Variants in KRT40 observed in about 807,000 individuals in gnomAD.
The protein encoded by KRT40 is keratin 40.
KRT40 carries 47 observed loss-of-function variants against 43.5 expected under a neutral mutation model. The observed-to-expected ratio is 1.08, with a 90% CI of 0.86 to 1.38. The LOEUF is 1.38. Among genes scored for constraint, KRT40 ranks in the 40% most tolerant of loss-of-function variants. The pLI is 0.00. For missense variants in KRT40, 573 were observed against 523.6 expected (o/e 1.09, Z -0.92); for synonymous variants, 212 against 214.0 (o/e 0.99, Z 0.08).
In KRT40 at chr17:40,978,772, T is replaced by C. The variant is rs373308463; in HGVS notation, c.1196+32A>G. ...TTTTACATCAGCCTCTTTGTGACTC[T>C]GGGGGATTTCATGAGTAACTGTGGA... On this transcript the variant is annotated intron_variant, in intron 6 of 6. Transcript: ENST00000377755. 1.5e-5 allele frequency: 23 copies of C among 1,575,490 alleles called. No individual in the cohort carries two copies. In the African/African-American group the frequency reaches 2.2e-4, roughly 15 times the overall value.
Position 40,978,256 on chromosome 17 carries a change from T to C in KRT40, c.1237A>G (p.Asn413Asp). The part of the protein sequence containing the change: ...SPCSTTCTSS[N>D]TCEPCSAYVI... Reference sequence around the variant, plus strand: ...TAGGCTGAGCATGGCTCACAAGTGTTGCTCGAGGTGCATGTGGTCGAACAT... The same window carrying C: ...TAGGCTGAGCATGGCTCACAAGTGTCGCTCGAGGTGCATGTGGTCGAACAT... The change falls in exon 7 of 7, where the codon AAC becomes GAC. Residue 413 changes from asparagine to aspartate, a missense_variant. Asn to Asp is a conservative substitution (Grantham distance 23). Transcript: ENST00000377755. 1 of 1,614,114 alleles carries C rather than the reference T, an allele frequency of 6.2e-7. No homozygotes were observed. The highest frequency in any genetic ancestry group is 8.5e-7 in the Non-Finnish European group (1 of 1,179,990).
chr17:40,984,363 A>G, upstream of KRT40: 2 of 968,810 alleles, frequency 2.1e-6, no homozygotes, highest in Non-Finnish European at 3.0e-6. Flanking sequence ...ATAACCCCCC[A>G]AAATGGGTGT....
At position 40,984,315 on chromosome 17, in the gene KRT40, T is replaced by C. The variant is rs867557745; in HGVS notation, c.-42A>G. 1 of 1,476,256 alleles carries C rather than the reference T, an allele frequency of 6.8e-7. No homozygotes were observed. The highest frequency in any genetic ancestry group is 1.9e-4 in the Middle Eastern group (1 of 5,226). 91.4% of individuals were successfully genotyped at this position (1,476,256 alleles called of 1,614,324 possible). Reference sequence around the variant, plus strand: ...ACAGAGACTGGCTGCAAAACTTCAGTTGCCTTGACTCCAAAACTCTCCTCT... The same window carrying C: ...ACAGAGACTGGCTGCAAAACTTCAGCTGCCTTGACTCCAAAACTCTCCTCT... On this transcript the variant is annotated 5_prime_UTR_variant, in exon 1 of 7. Coordinates refer to ENST00000377755, the MANE Select transcript of KRT40 (RefSeq NM_001389244.1).
At chr17:40,982,553 G>A in intron 2 of KRT40, 90 bp from the exon 3 acceptor site, 1 of 1,062,548 alleles carries the variant, frequency 9.4e-7, no homozygotes, top group Non-Finnish European at 1.3e-6. Context: ...ACGGACTTCA[G>A]GAAGCCATGT....
rs766406925 is a variant in KRT40, at chr17:40,978,851, C to T, written c.1149G>A (p.Glu383=). Residue 383 remains glutamate (E), a synonymous_variant, in exon 6 of 7, where the codon GAG becomes GAA. Coordinates refer to ENST00000377755, the MANE Select transcript of KRT40 (RefSeq NM_001389244.1). ...GGCCCCAGTACGTGTTGATCTCACC[C>T]TCCAGCCGGGCCTTCACGTCCAGGA... ...QVLLDVKARL[E]GEINTYWGLL... 6.2e-7 allele frequency: 1 copy of T among 1,612,138 alleles called. No homozygotes were observed. The highest frequency in any genetic ancestry group is 2.2e-5 in the East Asian group (1 of 44,796).
At chr17:40,979,230 T>C (rs1911986683) in intron 5 of KRT40, among the ~76,000 whole-genome samples, 1 of 152,178 alleles carries the variant, frequency 6.6e-6, no homozygotes, top group African/African-American at 2.4e-5. Context: ...AGAGTTAATA[T>C]GCGGGCTGGG....
Position 40,978,083 on chromosome 17 carries a change from A to G in KRT40, c.*114T>C, listed in dbSNP as rs1911881879. On this transcript the variant is annotated 3_prime_UTR_variant, in exon 7 of 7. Transcript: ENST00000377755. ...CTGAGGATACCTGGAGGGCAATTCCAGGATATGAGAGCCTCCTGGATTTGT... is the reference window on the plus strand; with the variant it reads ...CTGAGGATACCTGGAGGGCAATTCCGGGATATGAGAGCCTCCTGGATTTGT... 2.7e-6 allele frequency: 2 copies of G among 734,718 alleles called. No individual in the cohort carries two copies. Among genetic ancestry groups the G allele is most frequent in the East Asian group, 2.5e-5 (1 of 40,070 alleles). 45.5% of individuals were successfully genotyped at this position (734,718 alleles called of 1,614,324 possible).
chr17:40,981,618 C>G (rs1912157387), intron 3 of KRT40, among the ~76,000 whole-genome samples: 1 of 152,148 alleles, frequency 6.6e-6, no homozygotes, highest in Non-Finnish European at 1.5e-5. Flanking sequence ...AGTGCACAGT[C>G]TTTATCCCTT....
rs770953766 is a variant in KRT40, at chr17:40,979,036, A to G, written c.976-12T>C. 5.6e-6 allele frequency: 9 copies of G among 1,607,168 alleles called. No homozygotes were observed. Among genetic ancestry groups the G allele is most frequent in the Non-Finnish European group, 7.7e-6 (9 of 1,174,484 alleles). ...TCCAGAGATTCTGTCTGCGGGAGGA[A>G]ACATTGTCCAAAGGACCATGAAGTG... On this transcript the variant is annotated splice_polypyrimidine_tract_variant and intron_variant, in intron 5 of 6. Coordinates refer to ENST00000377755, the MANE Select transcript of KRT40 (RefSeq NM_001389244.1).
At chr17:40,980,237 A>G (rs1373539388) in intron 5 of KRT40, among the ~76,000 whole-genome samples, 2 of 152,212 alleles carry the variant, frequency 1.3e-5, no homozygotes, top group Non-Finnish European at 2.9e-5. Flanking sequence ...TGCCTCTCAC[A>G]GGATGAATGC....
rs1248876988 is a variant in KRT40, at chr17:40,984,023, A to T, written c.251T>A (p.Val84Glu). Residue 84 changes from valine to glutamate, a missense_variant, in exon 1 of 7, where the codon GTG (valine) becomes GAG (glutamate). Transcript: ENST00000377755. ...CGTCTCCTTCTCATTGCTAGTGAAC[A>T]CCCCATCCTCACACCAGGCACAGTT... ...VGNCAWCEDG[V>E]FTSNEKETMQ... The T allele has an allele frequency of 6.2e-7, 1 of 1,613,938 alleles. No individual in the cohort carries two copies. Among genetic ancestry groups the T allele is most frequent in the Admixed American group, 1.7e-5 (1 of 59,976 alleles).
In KRT40 at chr17:40,982,412, G is replaced by C. The variant is rs1184809761; in HGVS notation, c.582C>G (p.Ser194Arg). The change falls in exon 3 of 7, where the codon AGC becomes AGG. Residue 194 changes from serine to arginine, a missense_variant. Physicochemically the swap from Ser to Arg is moderately radical, Grantham distance 110. Transcript: ENST00000377755. ...LRQLLEADIS[S>R]LHGILEELTL... Reference sequence around the variant, plus strand: ...TCAGTTCCTCCAGGATCCCATGCAGGCTGCTGATGTCAGCCTCTAACAGCT... The same window carrying C: ...TCAGTTCCTCCAGGATCCCATGCAGCCTGCTGATGTCAGCCTCTAACAGCT... The C allele has an allele frequency of 1.2e-6, 2 of 1,609,650 alleles. No individual in the cohort carries two copies. The highest frequency in any genetic ancestry group is 2.2e-5 in the South Asian group (2 of 90,348).
At chr17:40,979,757 G>A (rs1912030727) in intron 5 of KRT40, among the ~76,000 whole-genome samples, 1 of 152,170 alleles carries the variant, frequency 6.6e-6, no homozygotes, top group African/African-American at 2.4e-5. Flanking sequence ...TGTGTGGTAA[G>A]GGGATGAAGA....
In KRT40 at chr17:40,983,955, C is replaced by T. The variant is rs367957193; in HGVS notation, c.319G>A (p.Val107Met). The T allele has an allele frequency of 8.1e-6, 13 of 1,614,102 alleles. No individual in the cohort carries two copies. The African/African-American group carries it at 1.6e-4, about 20-fold the overall frequency. The stretch of plus-strand genomic sequence containing the variant: ...GCGTTGGTCTCCTCCAGGCTGCGCA[C>T]CTTCTCCAGATAGCTGGCGAGTCTG... ...NDRLASYLEK[V>M]RSLEETNAEL... Residue 107 changes from valine (V) to methionine (M), a missense_variant, in exon 1 of 7, where the codon GTG becomes ATG. Physicochemically the swap from Val to Met is conservative, Grantham distance 21. Coordinates refer to ENST00000377755, the MANE Select transcript of KRT40 (RefSeq NM_001389244.1).
At chr17:40,985,890 T>C (rs9912006), upstream of KRT40, among the ~76,000 whole-genome samples, 2,714 of 152,354 alleles carry the variant, frequency 0.018, 76 homozygotes, top group African/African-American at 0.061. Flanking sequence ...ATGTTTTGGT[T>C]GTCCATCACA....
chr17:40,982,374 G>A lies in KRT40; in HGVS notation c.620C>T (p.Ser207Phe). ...AGACTCCACATGGGCCTCCAGATCA[G>A]ATTTGCACAGGGTCAGTTCCTCCAG... ...GILEELTLCKSDLEAHVESLK... is the reference protein window; with the variant it reads ...GILEELTLCKFDLEAHVESLK... The change falls in exon 3 of 7, where the codon TCT (serine) becomes TTT (phenylalanine). Residue 207 changes from serine to phenylalanine, a missense_variant. Transcript: ENST00000377755. 6.2e-7 allele frequency: 1 copy of A among 1,611,588 alleles called. No individual in the cohort carries two copies. The highest frequency in any genetic ancestry group is 1.1e-5 in the South Asian group (1 of 90,636).
rs758148733 is a variant in KRT40 at position 40,980,831 on chromosome 17, C to A, written c.929G>T (p.Arg310Leu). Residue 310 changes from arginine (R) to leucine (L), a missense_variant, in exon 5 of 7, where the codon CGC becomes CTC. Physicochemically the swap from Arg to Leu is moderately radical, Grantham distance 102. Transcript: ENST00000377755. The stretch of plus-strand genomic sequence containing the variant: ...CTCAATTTCCAGAGCACTGGCTGTG[C>A]GTTTCAGTTCCAAGATCTCCATCTG... ...GCQMEILELKRTASALEIELQ... is the reference protein window; with the variant it reads ...GCQMEILELKLTASALEIELQ... 2.5e-6 allele frequency: 4 copies of A among 1,612,514 alleles called. No homozygotes were observed. The highest frequency in any genetic ancestry group is 1.7e-6 in the Non-Finnish European group (2 of 1,179,922).
chr17:40,983,010 A>G (rs778792483), intron 2 of KRT40, 36 bp downstream of exon 2: 2 of 887,358 alleles, frequency 2.3e-6, no homozygotes, highest in South Asian at 3.0e-5. Flanking sequence ...CTCCATCTCA[A>G]AATAAATAAA....
chr17:40,980,880 T>C lies in KRT40; in HGVS notation c.880A>G (p.Ser294Gly). Reference protein sequence around the residue: ...TEELNQQQLSSAEQLQGCQME... With the variant: ...TEELNQQQLSGAEQLQGCQME... ...TGGCAGCCCTGCAGCTGCTCCGCGC[T>C]GGACAGTTGCTGCTGATTCAGCTCT... The change falls in exon 5 of 7, where the codon AGC becomes GGC. Residue 294 changes from serine to glycine, a missense_variant. By Grantham distance (56) the Ser-to-Gly change is moderately conservative. Transcript: ENST00000377755. 6.2e-7 allele frequency: 1 copy of C among 1,614,048 alleles called. No homozygotes were observed. The highest frequency in any genetic ancestry group is 8.5e-7 in the Non-Finnish European group (1 of 1,180,030).
Sources: gnomAD v4.1 joint callset for allele counts (sites outside exome capture counted in the v4.1 genomes callset) on GRCh38, gnomAD v4.1.1 for gene constraint, MANE v1.5 for transcripts, NCBI Gene and HGNC (gene_info 2026-07-23, HGNC 2026-07-21) for gene names.